Variants in DENND5A observed in about 807,000 individuals in gnomAD.
DENND5A encodes the protein DENN domain containing 5A.
Under a neutral mutation model 140.3 loss-of-function variants are expected in DENND5A, and 64 were observed. The ratio of observed to expected loss-of-function variants is 0.46; its 90% CI spans 0.37 to 0.56. The LOEUF is 0.56. DENND5A is among the 20% of genes least tolerant of loss of function. The pLI, the probability that DENND5A is intolerant of heterozygous loss-of-function variation, is 0.00. For synonymous variants in DENND5A, 605 were observed against 607.7 expected (o/e 1.00, Z 0.07); for missense variants, 1,292 against 1,593.8 (o/e 0.81, Z 3.22).
intron 1 of DENND5A, among the ~76,000 whole-genome samples, chr11:9,253,802 G>T (rs890939179): frequency 4.6e-5 from 7 of 151,828 alleles, no homozygotes; most frequent in African/African-American, 1.7e-4. Context: ...GGAGGTCAAG[G>T]TTGTAGTAAA....
At chr11:9,188,065 C>T (rs144542715) in intron 5 of DENND5A, among the ~76,000 whole-genome samples, 53 of 152,322 alleles carry the variant, frequency 3.5e-4, no homozygotes, top group African/African-American at 1.3e-3. Context: ...GCTGTGTCCC[C>T]ACCCAAATCT....
At chr11:9,213,854 G>C (rs1304810392) in intron 1 of DENND5A, among the ~76,000 whole-genome samples, 2 of 148,730 alleles carry the variant, frequency 1.3e-5, no homozygotes, top group Non-Finnish European at 3.0e-5. Context: ...GAGGGGACAA[G>C]GGAACCTCTC....
chr11:9,190,311 CAG>C (rs1849072590), intron 5 of DENND5A, among the ~76,000 whole-genome samples: 1 of 152,058 alleles, frequency 6.6e-6, no homozygotes, highest in African/African-American at 2.4e-5. Context: ...GGGGCCAGGG[CAG>C]AGTGATACGG....
At chr11:9,244,758 C>T (rs1352464995) in intron 1 of DENND5A, among the ~76,000 whole-genome samples, 1 of 152,124 alleles carries the variant, frequency 6.6e-6, no homozygotes. Flanking sequence ...TCACTGCAAC[C>T]CCACTTCCTG....
At chr11:9,163,648 A>T (rs931285748) in intron 11 of DENND5A, among the ~76,000 whole-genome samples, 12 of 152,160 alleles carry the variant, frequency 7.9e-5, no homozygotes, top group African/African-American at 2.7e-4. Flanking sequence ...TACTAAAAAT[A>T]CAAAAATTAG....
At chr11:9,169,499 A>G (rs113634451) in intron 10 of DENND5A, among the ~76,000 whole-genome samples, 52 of 128,926 alleles carry the variant, frequency 4.0e-4, no homozygotes, top group South Asian at 9.6e-4. Context: ...ACACACGCAC[A>G]CACACACACA....
At chr11:9,165,677 T>C (rs941623370) in intron 11 of DENND5A, among the ~76,000 whole-genome samples, 159 bp downstream of exon 11, 1 of 152,170 alleles carries the variant, frequency 6.6e-6, no homozygotes, top group Non-Finnish European at 1.5e-5. Context: ...CAAGCAATCC[T>C]CCTGCCATGG....
chr11:9,251,113 C>T (rs1437027054), intron 1 of DENND5A, among the ~76,000 whole-genome samples: 1 of 128,648 alleles, frequency 7.8e-6, no homozygotes, highest in Non-Finnish European at 1.6e-5. Flanking sequence ...CCAGCCTGGG[C>T]AAGAGAGTGA....
intron 5 of DENND5A, among the ~76,000 whole-genome samples, chr11:9,192,492 G>A (rs543543615): frequency 9.2e-5 from 14 of 152,288 alleles, no homozygotes; most frequent in Non-Finnish European, 2.1e-4. Flanking sequence ...GCCGGGTGTG[G>A]TGGTGGGCAC....
intron 12 of DENND5A, among the ~76,000 whole-genome samples, chr11:9,158,304 G>C (rs181344313): frequency 4.2e-4 from 64 of 152,072 alleles, no homozygotes; most frequent in Non-Finnish European, 1.0e-4. Flanking sequence ...CAGCAGTTTG[G>C]GGGGCTGAGG....
intron 16 of DENND5A, 52 bp from the exon 17 acceptor site, chr11:9,145,867 T>TCTGGTATGGGAAAG: frequency 6.3e-7 from 1 of 1,599,062 alleles, no homozygotes; most frequent in Non-Finnish European, 8.6e-7. Context: ...ATCTTTCCCA[T>TCTGGTATGGGAAAG]ACCAGATGGG....
At chr11:9,203,589 C>T (rs1590270821) in intron 4 of DENND5A, 71 bp downstream of exon 4, 1 of 1,511,830 alleles carries the variant, frequency 6.6e-7, no homozygotes, top group Non-Finnish European at 8.9e-7. Flanking sequence ...TACAGTCAGC[C>T]TCACTGTATC....
chr11:9,140,149 C>T (rs1160701257), intron 22 of DENND5A: 11 of 1,421,750 alleles, frequency 7.7e-6, no homozygotes, highest in Non-Finnish European at 1.0e-5. Flanking sequence ...CTTCTCTCCT[C>T]CCACAGCTAC....
chr11:9,230,652 G>C (rs754503795), intron 1 of DENND5A, among the ~76,000 whole-genome samples: 1 of 152,050 alleles, frequency 6.6e-6, no homozygotes, highest in Non-Finnish European at 1.5e-5. Flanking sequence ...GAAACACTAA[G>C]GGCATCTTTT....
chr11:9,223,270 G>T (rs895848910), intron 1 of DENND5A, among the ~76,000 whole-genome samples: 1 of 152,162 alleles, frequency 6.6e-6, no homozygotes, highest in Non-Finnish European at 1.5e-5. Flanking sequence ...TCTCACGCCT[G>T]TAATCCCAGC....
At chr11:9,150,397 G>A (rs1847576626) in intron 14 of DENND5A, among the ~76,000 whole-genome samples, 188 bp from the exon 15 acceptor site, 1 of 152,092 alleles carries the variant, frequency 6.6e-6, no homozygotes, top group Admixed American at 6.5e-5. Flanking sequence ...CATATTTTGG[G>A]AGGAAAAAAG....
At position 9,139,542 on chromosome 11, in the gene DENND5A, G is replaced by C; in HGVS notation, c.*129C>G. 2.5e-6 allele frequency: 2 copies of C among 789,560 alleles called. No individual in the cohort carries two copies. The highest frequency in any genetic ancestry group is 5.4e-5 in the East Asian group (2 of 36,784). 48.9% of individuals were successfully genotyped at this position (789,560 alleles called of 1,614,324 possible). ...GATTATTTATTCCAAAAATCCTCTA[G>C]TTTTCTTTTTACAGTGAGTGTACAT... On this transcript the variant is annotated 3_prime_UTR_variant, in exon 23 of 23. Coordinates refer to ENST00000328194, the MANE Select transcript of DENND5A (RefSeq NM_015213.4).
intron 10 of DENND5A, among the ~76,000 whole-genome samples, chr11:9,169,142 C>T (rs1041661244): frequency 5.3e-5 from 8 of 152,106 alleles, no homozygotes; most frequent in African/African-American, 1.9e-4. Context: ...GAAAAAAACT[C>T]TAACAAAATT....
chr11:9,140,431 C>T (rs369800356), intron 22 of DENND5A, among the ~76,000 whole-genome samples: 6 of 152,202 alleles, frequency 3.9e-5, no homozygotes, highest in South Asian at 2.1e-4. Flanking sequence ...TCCCTTTATG[C>T]AGCCTGAATA....
Sources: allele counts gnomAD v4.1 joint callset (sites outside exome capture counted in the v4.1 genomes callset), GRCh38; gene constraint gnomAD v4.1.1; transcripts MANE v1.5; gene names NCBI Gene and HGNC (gene_info 2026-07-23, HGNC 2026-07-21).